Variants in DYSF observed in about 807,000 individuals in gnomAD.
DYSF encodes the protein dystrophy-associated fer-1-like 1.
DYSF carries 212 observed loss-of-function variants against 274.9 expected under a neutral mutation model. The observed-to-expected ratio is 0.77, with a 90% CI of 0.69 to 0.86. DYSF has a LOEUF of 0.86. Among genes scored for constraint, DYSF ranks in the 40% least tolerant of loss-of-function variants. The pLI is 0.00. For missense variants in DYSF, 2,666 were observed against 2,783.2 expected (o/e 0.96, Z 0.95); for synonymous variants, 1,091 against 1,078.7 (o/e 1.01, Z -0.22).
chr2:71,570,450 T>G, intron 28 of DYSF, 116 bp downstream of exon 28: 4 of 1,419,990 alleles, frequency 2.8e-6, no homozygotes, highest in Non-Finnish European at 3.9e-6. Flanking sequence ...GGGACGCTTC[T>G]TGAAGGCACC....
chr2:71,529,163 G>T (rs919192713), intron 14 of DYSF, among the ~76,000 whole-genome samples: 21 of 152,162 alleles, frequency 1.4e-4, no homozygotes, highest in Admixed American at 1.3e-4. Flanking sequence ...TCTTAACCAG[G>T]TACAACCATC....
At chr2:71,650,669 GA>G (rs1192445960) in intron 42 of DYSF, among the ~76,000 whole-genome samples, 1 of 152,062 alleles carries the variant, frequency 6.6e-6, no homozygotes, top group African/African-American at 2.4e-5. Context: ...ACAATACCAA[GA>G]AAACATTTTC....
In DYSF at chr2:71,669,698, C is replaced by G. The variant is rs2152956624; in HGVS notation, c.5736C>G (p.Phe1912Leu). The G allele has an allele frequency of 6.2e-7, 1 of 1,614,172 alleles. No individual in the cohort carries two copies. The highest frequency in any genetic ancestry group is 1.1e-5 in the South Asian group (1 of 91,086). ...GCAACTTCAACTGGAGGTTCATTTT[C>G]CCCTTCGACTACCTGCCAGCTGAGC... ...GEGNFNWRFI[F>L]PFDYLPAEQV... Residue 1912 changes from phenylalanine to leucine, a missense_variant, in exon 51 of 56, where the codon TTC becomes TTG. Around this residue, in one of 3 missense-constraint regions of DYSF, gnomAD observed 1,460 missense variants for 1,502.1 expected, o/e 0.97. Coordinates refer to ENST00000410020, the MANE Select transcript of DYSF (RefSeq NM_001130987.2).
chr2:71,467,991 A>T (rs1558929100), intron 1 of DYSF, among the ~76,000 whole-genome samples: 2 of 152,180 alleles, frequency 1.3e-5, no homozygotes, highest in Non-Finnish European at 2.9e-5. Flanking sequence ...GATTTGGCAA[A>T]GGGAGATTTA....
Position 71,553,939 on chromosome 2 carries a change from A to G in DYSF, c.2109+8A>G. The G allele has an allele frequency of 6.2e-7, 1 of 1,614,128 alleles. No homozygotes were observed. Among genetic ancestry groups the G allele is most frequent in the Non-Finnish European group, 8.5e-7 (1 of 1,180,010 alleles). On this transcript the variant is annotated splice_region_variant and intron_variant, in intron 21 of 55. Transcript: ENST00000410020. ...GGGATTGCTGACCGGCTGGTGAGTG[A>G]AAACTTGCCCAAAGCTGCACATGCC...
chr2:71,656,202 G>A lies in DYSF; in HGVS notation c.4667G>A (p.Gly1556Asp). The A allele has an allele frequency of 6.2e-7, 1 of 1,614,182 alleles. No homozygotes were observed. Among genetic ancestry groups the A allele is most frequent in the Non-Finnish European group, 8.5e-7 (1 of 1,180,048 alleles). The change falls in exon 43 of 56, where the codon GGC becomes GAC. Residue 1556 changes from glycine (G) to aspartate (D), a missense_variant. Transcript: ENST00000410020. Reference sequence around the variant, plus strand: ...CTGGAGAATGTGGAGGCCTTTGAGGGCCTGTCTGACTTTTGTAACACCTTC... The same window carrying A: ...CTGGAGAATGTGGAGGCCTTTGAGGACCTGTCTGACTTTTGTAACACCTTC... ...TQLENVEAFE[G>D]LSDFCNTFKL...
intron 36 of DYSF, chr2:71,610,935 G>A: frequency 2.3e-6 from 1 of 428,892 alleles, no homozygotes; most frequent in Non-Finnish European, 4.4e-6. Flanking sequence ...TCAGGGAGGG[G>A]CAGACCCGGA....
chr2:71,468,097 T>C (rs2081669646), intron 1 of DYSF, among the ~76,000 whole-genome samples: 1 of 152,250 alleles, frequency 6.6e-6, no homozygotes, highest in Non-Finnish European at 1.5e-5. Context: ...ACTATTTTCA[T>C]TGATTGGTGA....
chr2:71,603,202 A>G (rs2093585329), intron 36 of DYSF, among the ~76,000 whole-genome samples: 1 of 152,210 alleles, frequency 6.6e-6, no homozygotes, highest in African/African-American at 2.4e-5. Flanking sequence ...GCACTTAGGA[A>G]GAAAGTGAGA....
At chr2:71,607,864 A>G (rs939247106) in intron 36 of DYSF, among the ~76,000 whole-genome samples, 1 of 152,194 alleles carries the variant, frequency 6.6e-6, no homozygotes, top group Non-Finnish European at 1.5e-5. Flanking sequence ...AGTAGGACAC[A>G]TTAATGAACT....
chr2:71,547,237 GCCC>G (rs996547149), intron 17 of DYSF, among the ~76,000 whole-genome samples: 1 of 152,198 alleles, frequency 6.6e-6, no homozygotes, highest in Non-Finnish European at 1.5e-5. Flanking sequence ...ACTGCGATCC[GCCC>G]CCAAGTCAGG....
At chr2:71,659,682 A>G (rs537762047) in intron 44 of DYSF, among the ~76,000 whole-genome samples, 7 of 152,354 alleles carry the variant, frequency 4.6e-5, no homozygotes, top group East Asian at 1.9e-4. Flanking sequence ...TGTGCCCAAG[A>G]TAAGTGCGTG....
intron 3 of DYSF, among the ~76,000 whole-genome samples, chr2:71,493,575 G>A (rs2084073479): frequency 6.6e-6 from 1 of 152,172 alleles, no homozygotes; most frequent in African/African-American, 2.4e-5. Flanking sequence ...TTTTCAGCTG[G>A]GTGCGCTGGC....
chr2:71,503,477 G>C (rs1171253200), intron 4 of DYSF, among the ~76,000 whole-genome samples, 158 bp downstream of exon 4: 1 of 152,114 alleles, frequency 6.6e-6, no homozygotes, highest in African/African-American at 2.4e-5. Context: ...GTCTGGAGGG[G>C]CACTGGACTA....
At chr2:71,633,110 C>T (rs940540825) in intron 41 of DYSF, among the ~76,000 whole-genome samples, 2 of 152,146 alleles carry the variant, frequency 1.3e-5, no homozygotes, top group East Asian at 1.9e-4. Context: ...CCCAGTGTTC[C>T]ACTTGTAGAA....
intron 50 of DYSF, 144 bp from the exon 51 acceptor site, chr2:71,669,461 T>A: frequency 9.1e-7 from 1 of 1,103,258 alleles, no homozygotes; most frequent in Non-Finnish European, 1.3e-6. Context: ...TATGGCACAT[T>A]TTGTACATCG....
Position 71,480,902 on chromosome 2 carries a change from A to T in DYSF, c.111A>T (p.Lys37Asn), listed in dbSNP as rs1316230143. 1 of 1,614,090 alleles carries T rather than the reference A, an allele frequency of 6.2e-7. No individual in the cohort carries two copies. Among genetic ancestry groups the T allele is most frequent in the Non-Finnish European group, 8.5e-7 (1 of 1,180,030 alleles). Reference protein sequence around the residue: ...LTFRGVKKRTKVIKNSVNPVW... With the variant: ...LTFRGVKKRTNVIKNSVNPVW... ...TTGTAGGGGTGAAGAAGAGAACCAA[A>T]GTCATCAAGAACAGCGTGAACCCTG... The change falls in exon 2 of 56, where the codon AAA becomes AAT. Residue 37 changes from lysine to asparagine, a missense_variant. Lys to Asn is a moderately conservative substitution (Grantham distance 94, BLOSUM62 0). Coordinates refer to ENST00000410020, the MANE Select transcript of DYSF (RefSeq NM_001130987.2).
At chr2:71,674,151 C>T in intron 51 of DYSF, 46 bp from the exon 52 acceptor site, 1 of 1,581,460 alleles carries the variant, frequency 6.3e-7, no homozygotes, top group Non-Finnish European at 8.7e-7. Context: ...CTGCCTCTCT[C>T]TAACCTTGCT....
At chr2:71,566,292 C>T (rs1181203714) in intron 24 of DYSF, among the ~76,000 whole-genome samples, 3 of 134,920 alleles carry the variant, frequency 2.2e-5, no homozygotes, top group African/African-American at 8.6e-5. Context: ...GCTCCAGGTT[C>T]TGACCTCTTG....
Sources: allele counts gnomAD v4.1 joint callset (sites outside exome capture counted in the v4.1 genomes callset), GRCh38; gene constraint gnomAD v4.1.1; regional missense constraint gnomAD v4.1.1; transcripts MANE v1.5; gene names NCBI Gene and HGNC (gene_info 2026-07-23, HGNC 2026-07-21).